The following EYA4 variants were observed in gnomAD, a reference collection of about 807,000 sequenced individuals.
EYA4 encodes protein phosphatase EYA4.
In EYA4, 31 loss-of-function variants were observed where a neutral mutation model predicts 87.9. That is an observed-to-expected ratio of 0.35 (90% CI 0.27 to 0.48). The LOEUF (loss-of-function observed/expected upper bound fraction) is 0.48. EYA4 is among the 20% of genes least tolerant of loss of function. The pLI is 0.99. For synonymous variants in EYA4, 263 were observed against 270.6 expected, an observed-to-expected ratio of 0.97 and a Z score of 0.28; for missense variants, 678 against 761.4, an observed-to-expected ratio of 0.89 and a Z score of 1.29.
At chr6:133,496,005 G>A (rs574610667) in intron 13 of EYA4, among the ~76,000 whole-genome samples, 1 of 152,254 alleles carries the variant, frequency 6.6e-6, no homozygotes, top group Non-Finnish European at 1.5e-5. Flanking sequence ...GCCATTCAAT[G>A]CATGTTATCA....
chr6:133,264,572 G>A (rs549507431), intron 1 of EYA4, among the ~76,000 whole-genome samples: 1 of 152,314 alleles, frequency 6.6e-6, no homozygotes, highest in East Asian at 1.9e-4. Context: ...TGGAGGTATT[G>A]GTAGGACTTG....
intron 18 of EYA4, among the ~76,000 whole-genome samples, chr6:133,524,252 A>G (rs973974425): frequency 2.6e-5 from 4 of 152,194 alleles, no homozygotes; most frequent in African/African-American, 9.6e-5. Context: ...TAGTAAAGAC[A>G]ATATTCTTTC....
At chr6:133,265,308 C>G (rs1320327952) in intron 1 of EYA4, among the ~76,000 whole-genome samples, 1 of 151,404 alleles carries the variant, frequency 6.6e-6, no homozygotes, top group Non-Finnish European at 1.5e-5. Context: ...TGGCAAAAAC[C>G]GCAATTGTTT....
Position 133,523,099 on chromosome 6 carries a change from C to G in EYA4, c.1660C>G (p.Pro554Ala). 1 of 1,612,264 alleles carries G rather than the reference C, an allele frequency of 6.2e-7. No homozygotes were observed. The highest frequency in any genetic ancestry group is 8.5e-7 in the Non-Finnish European group (1 of 1,178,584). Residue 554 changes from proline to alanine, a missense_variant, in exon 18 of 20, where the codon CCA becomes GCA. Coordinates refer to ENST00000355286, the MANE Select transcript of EYA4 (RefSeq NM_004100.5). ...CTTGGTAACGACAACTCAACTGATC[C>G]CAGCACTTGCGAAGGTTCTACTCTA... is the stretch of plus-strand genomic sequence containing the variant. ...NVLVTTTQLI[P>A]ALAKVLLYSL...
chr6:133,525,180 A>G lies in EYA4; in HGVS notation c.1765A>G (p.Met589Val). The G allele has an allele frequency of 6.2e-7, 1 of 1,613,790 alleles. No individual in the cohort carries two copies. Among genetic ancestry groups the G allele is most frequent in the Non-Finnish European group, 8.5e-7 (1 of 1,179,782 alleles). Residue 589 changes from methionine (M) to valine (V), a missense_variant, in exon 19 of 20, where the codon ATG becomes GTG. Transcript: ENST00000355286. Reference protein sequence around the residue: ...IGKESCFERIMQRFGRKVVYV... With the variant: ...IGKESCFERIVQRFGRKVVYV... Reference sequence around the variant, plus strand: ...AAAAGAAAGTTGCTTTGAACGAATAATGCAAAGGTTTGGCAGAAAAGTAGT... The same window carrying G: ...AAAAGAAAGTTGCTTTGAACGAATAGTGCAAAGGTTTGGCAGAAAAGTAGT...
At chr6:133,414,191 G>A (rs1789503357) in intron 3 of EYA4, among the ~76,000 whole-genome samples, 2 of 151,890 alleles carry the variant, frequency 1.3e-5, no homozygotes, top group African/African-American at 4.8e-5. Flanking sequence ...CTTCTTCTCC[G>A]ATCCTCCATG....
intron 7 of EYA4, 41 bp downstream of exon 7, chr6:133,461,221 T>G: frequency 1.5e-6 from 2 of 1,308,766 alleles, no homozygotes; most frequent in Non-Finnish European, 2.2e-6. Context: ...TGGCAAACAT[T>G]TATGTCTATA....
intron 13 of EYA4, among the ~76,000 whole-genome samples, chr6:133,493,365 A>G (rs1269820627): frequency 6.6e-6 from 1 of 152,240 alleles, no homozygotes; most frequent in Non-Finnish European, 1.5e-5. Flanking sequence ...CTCTTCAATA[A>G]ATGATGCTGG....
At chr6:133,351,642 C>T (rs1218424159) in intron 2 of EYA4, among the ~76,000 whole-genome samples, 1 of 152,190 alleles carries the variant, frequency 6.6e-6, no homozygotes, top group Admixed American at 6.5e-5. Flanking sequence ...TACAGTCCTC[C>T]ACTGCCTTTG....
intron 3 of EYA4, among the ~76,000 whole-genome samples, chr6:133,423,981 C>A (rs1459214805): frequency 1.3e-5 from 2 of 152,130 alleles, no homozygotes; most frequent in African/African-American, 4.8e-5. Flanking sequence ...CAGAGGAGAC[C>A]CACAGTGGGT....
intron 3 of EYA4, among the ~76,000 whole-genome samples, chr6:133,392,765 T>C (rs1232207231): frequency 2.0e-5 from 3 of 152,228 alleles, no homozygotes; most frequent in Admixed American, 2.0e-4. Context: ...TTCTGACAGC[T>C]TGCATTGTTC....
chr6:133,483,519 C>T (rs1402788023), intron 13 of EYA4, among the ~76,000 whole-genome samples: 1 of 151,858 alleles, frequency 6.6e-6, no homozygotes, highest in African/African-American at 2.4e-5. Context: ...AATCTTTCGT[C>T]TGACAGATCT....
chr6:133,446,963 T>C (rs1483800381), intron 4 of EYA4, among the ~76,000 whole-genome samples: 1 of 152,216 alleles, frequency 6.6e-6, no homozygotes, highest in African/African-American at 2.4e-5. Flanking sequence ...TCACAGAGAA[T>C]AGATAGCATT....
chr6:133,464,760 ATTTG>A lies in EYA4; in HGVS notation c.725-15_725-12del. The A allele has an allele frequency of 6.9e-7, 1 of 1,458,994 alleles. No individual in the cohort carries two copies. Among genetic ancestry groups the A allele is most frequent in the Non-Finnish European group, 9.6e-7 (1 of 1,040,460 alleles). The allele number at this position is 1,458,994 out of a possible 1,614,324, so 90.4% of individuals were successfully genotyped here. Reference sequence around the variant, plus strand: ...TTACAAGGAATACTTTTAAAATGCAATTTGTTTTTTACCTCTAGGTTCTAGTTTT... The same window carrying A: ...TTACAAGGAATACTTTTAAAATGCAATTTTTTACCTCTAGGTTCTAGTTTT... On this transcript the variant is annotated splice_polypyrimidine_tract_variant and intron_variant, in intron 9 of 19. Coordinates refer to ENST00000355286, the MANE Select transcript of EYA4 (RefSeq NM_004100.5).
At chr6:133,461,277 T>C (rs1562448042) in intron 7 of EYA4, 97 bp downstream of exon 7, 1 of 885,204 alleles carries the variant, frequency 1.1e-6, no homozygotes, top group Non-Finnish European at 1.9e-6. Flanking sequence ...ATTACATATA[T>C]AGATAAATAT....
At chr6:133,431,145 G>A (rs1026064792) in intron 3 of EYA4, among the ~76,000 whole-genome samples, 1 of 152,124 alleles carries the variant, frequency 6.6e-6, no homozygotes, top group Admixed American at 6.6e-5. Flanking sequence ...GGCTCTGTGA[G>A]TGAGGGGAAT....
chr6:133,526,287 T>G (rs1800625187), intron 19 of EYA4, among the ~76,000 whole-genome samples: 1 of 152,176 alleles, frequency 6.6e-6, no homozygotes, highest in South Asian at 2.1e-4. Context: ...CTATACTGTT[T>G]TACATAGAAA....
At chr6:133,271,674 G>A (rs1032852731) in intron 1 of EYA4, among the ~76,000 whole-genome samples, 5 of 152,174 alleles carry the variant, frequency 3.3e-5, no homozygotes, top group South Asian at 2.1e-4. Flanking sequence ...AGCAGTGGCC[G>A]TAGCCAGTTT....
In EYA4 at chr6:133,474,295, C is replaced by G. The variant is rs530440799; in HGVS notation, c.970+5564C>G. 1.3e-5 allele frequency among the ~76,000 whole-genome samples: 2 copies of G among 151,930 alleles called. 1 individual carries two copies. Among genetic ancestry groups the G allele is most frequent in the South Asian group, 4.1e-4 (2 of 4,822 alleles). On this transcript the variant is annotated intron_variant, in intron 11 of 19. Coordinates refer to ENST00000355286, the MANE Select transcript of EYA4 (RefSeq NM_004100.5). ...TTTTGCTCCAATTTCCATATAATCACGAGAAAGCTTCTCTGCAGGAAAAAC... is the reference window on the plus strand; with the variant it reads ...TTTTGCTCCAATTTCCATATAATCAGGAGAAAGCTTCTCTGCAGGAAAAAC...
Sources: gnomAD v4.1 joint callset for allele counts (sites outside exome capture counted in the v4.1 genomes callset) on GRCh38, gnomAD v4.1.1 for gene constraint, MANE v1.5 for transcripts, NCBI Gene and HGNC (gene_info 2026-07-23, HGNC 2026-07-21) for gene names.